Variants in ANKRD44 observed in about 807,000 individuals in gnomAD.
ANKRD44 encodes the protein serine/threonine-protein phosphatase 6 regulatory ankyrin repeat subunit B.
ANKRD44 carries 35 observed loss-of-function variants against 116.0 expected under a neutral mutation model. That is an observed-to-expected ratio of 0.30 (90% CI 0.23 to 0.40). ANKRD44 has a LOEUF of 0.40. Among genes scored for constraint, ANKRD44 ranks in the 10% least tolerant of loss-of-function variants. The probability of loss-of-function intolerance (pLI) is 1.00; values close to 1 mark genes in which losing one functional copy is unlikely to be tolerated. For missense variants in ANKRD44, 1,014 were observed against 1,242.6 expected (o/e 0.82, Z 2.77); for synonymous variants, 435 against 461.8 (o/e 0.94, Z 0.74).
At chr2:197,235,587 G>C (rs77430384) in intron 1 of ANKRD44, among the ~76,000 whole-genome samples, 1 of 146,306 alleles carries the variant, frequency 6.8e-6, no homozygotes, top group Non-Finnish European at 1.5e-5. Flanking sequence ...CTGCACTCCA[G>C]CCTGGGTGAT....
chr2:197,081,556 A>T lies in ANKRD44; in HGVS notation c.1538+89T>A. 5 of 1,218,270 alleles carry T rather than the reference A, an allele frequency of 4.1e-6. No individual in the cohort carries two copies. In the South Asian group the frequency reaches 6.2e-5, roughly 15 times the overall value. 75.5% of individuals were successfully genotyped at this position (1,218,270 alleles called of 1,614,324 possible). On this transcript the variant is annotated intron_variant, in intron 15 of 27. Transcript: ENST00000282272. ...TCCTCAAGATCCCAAGTGAAACCCC[A>T]AAATAGTAAGGCAGGCAACGTGGCA...
chr2:197,204,193 A>G (rs909412621), intron 1 of ANKRD44, among the ~76,000 whole-genome samples: 12 of 152,134 alleles, frequency 7.9e-5, no homozygotes, highest in African/African-American at 2.9e-4. Context: ...GAAAATGTGG[A>G]AAAAAAGCAG....
At position 197,099,853 on chromosome 2, in the gene ANKRD44, T is replaced by C. The variant is rs1446621556; in HGVS notation, c.1063A>G (p.Ile355Val). The stretch of plus-strand genomic sequence containing the variant: ...GCTCCGCTGGTTATTAAGGTGTTAA[T>C]CAAAAGCTCATGACCGTATCTTGCA... The part of the protein sequence containing the change: ...VAARYGHELL[I>V]NTLITSGADT... The change falls in exon 10 of 28, where the codon ATT (isoleucine) becomes GTT (valine). Residue 355 changes from isoleucine to valine, a missense_variant. Transcript: ENST00000282272. 2 of 1,614,178 alleles carry C rather than the reference T, an allele frequency of 1.2e-6. No individual in the cohort carries two copies. The highest frequency in any genetic ancestry group is 8.5e-7 in the Non-Finnish European group (1 of 1,180,016).
At chr2:197,120,325 C>T (rs2078822930) in intron 8 of ANKRD44, among the ~76,000 whole-genome samples, 1 of 152,164 alleles carries the variant, frequency 6.6e-6, no homozygotes, top group Admixed American at 6.5e-5. Flanking sequence ...CTCAGTGCTA[C>T]ATCACTGAAG....
chr2:197,167,704 C>CTA (rs1423592731), intron 2 of ANKRD44, among the ~76,000 whole-genome samples: 10 of 152,348 alleles, frequency 6.6e-5, no homozygotes, highest in Admixed American at 6.5e-4. Context: ...TAAGCATGAA[C>CTA]TATACTTGGT....
intron 1 of ANKRD44, among the ~76,000 whole-genome samples, chr2:197,233,514 C>T (rs1276474173): frequency 2.0e-5 from 3 of 152,122 alleles, no homozygotes; most frequent in Non-Finnish European, 4.4e-5. Flanking sequence ...TGAATAGAAA[C>T]TGCTATATTC....
intron 9 of ANKRD44, among the ~76,000 whole-genome samples, chr2:197,103,558 T>G (rs1363520443): frequency 6.6e-6 from 1 of 152,116 alleles, no homozygotes; most frequent in Non-Finnish European, 1.5e-5. Context: ...CTAACGGGTA[T>G]GAGGTTTCTT....
chr2:197,275,428 CAAAAAAAA>C (rs527811437), intron 1 of ANKRD44, among the ~76,000 whole-genome samples: 5 of 97,268 alleles, frequency 5.1e-5, no homozygotes, highest in Middle Eastern at 5.8e-3. Context: ...CCAGTCTCTT[CAAAAAAAA>C]AAAAAAAAAA....
chr2:197,062,025 C>A (rs2077326068), intron 16 of ANKRD44, among the ~76,000 whole-genome samples: 1 of 152,222 alleles, frequency 6.6e-6, no homozygotes, highest in Non-Finnish European at 1.5e-5. Context: ...GGGTGATCCA[C>A]CCGCCTCGGC....
intron 1 of ANKRD44, among the ~76,000 whole-genome samples, chr2:197,255,190 C>T (rs2082416654): frequency 6.6e-6 from 1 of 152,192 alleles, no homozygotes; most frequent in Admixed American, 6.5e-5. Flanking sequence ...ATGAAGAAGA[C>T]ACTCAGAGAG....
chr2:197,139,328 T>C (rs559331495), intron 3 of ANKRD44, among the ~76,000 whole-genome samples: 1 of 152,326 alleles, frequency 6.6e-6, no homozygotes, highest in South Asian at 2.1e-4. Flanking sequence ...TTCTACACTG[T>C]CATGGAAAGG....
intron 1 of ANKRD44, among the ~76,000 whole-genome samples, chr2:197,190,444 A>C (rs2125617110): frequency 6.6e-6 from 1 of 152,326 alleles, no homozygotes; most frequent in Non-Finnish European, 1.5e-5. Context: ...GTGTGTTTGT[A>C]TGGATATAAT....
chr2:197,236,682 A>C (rs972191243), intron 1 of ANKRD44, among the ~76,000 whole-genome samples: 1 of 150,310 alleles, frequency 6.7e-6, no homozygotes, highest in African/African-American at 2.5e-5. Flanking sequence ...CTAAGCCCAA[A>C]ACTACTCATC....
chr2:197,009,575 C>T (rs2076260293), intron 18 of ANKRD44, among the ~76,000 whole-genome samples: 1 of 151,644 alleles, frequency 6.6e-6, no homozygotes, highest in Admixed American at 6.6e-5. Context: ...CACCATGTTG[C>T]CTAGGCTGGT....
At chr2:197,153,983 T>C (rs796187755) in intron 2 of ANKRD44, among the ~76,000 whole-genome samples, 5 of 152,188 alleles carry the variant, frequency 3.3e-5, no homozygotes, top group African/African-American at 1.2e-4. Context: ...TGTGCATACA[T>C]GTGAGAATTT....
At chr2:197,234,390 C>T (rs1169646603) in intron 1 of ANKRD44, among the ~76,000 whole-genome samples, 1 of 152,072 alleles carries the variant, frequency 6.6e-6, no homozygotes, top group African/African-American at 2.4e-5. Context: ...TGAGGTTTTG[C>T]CATGTTGCCC....
In ANKRD44 at chr2:197,007,716, T is replaced by C. The variant is rs2076225147; in HGVS notation, c.2130+90A>G. ...TAAACATTTTTTGCTAAAAATCCAATCAAAGTAGGCCCTTTGTAATTGTTT... is the reference window on the plus strand; with the variant it reads ...TAAACATTTTTTGCTAAAAATCCAACCAAAGTAGGCCCTTTGTAATTGTTT... On this transcript the variant is annotated intron_variant, in intron 20 of 27. Coordinates refer to ENST00000282272, the MANE Select transcript of ANKRD44 (RefSeq NM_001195144.2). 6 of 852,470 alleles carry C rather than the reference T, an allele frequency of 7.0e-6. No individual in the cohort carries two copies. In the East Asian group the frequency reaches 1.5e-4, roughly 21 times the overall value. The allele number at this position is 852,470 out of a possible 1,614,324, so 52.8% of individuals were successfully genotyped here.
At chr2:197,009,908 C>T (rs1046634592) in intron 18 of ANKRD44, among the ~76,000 whole-genome samples, 1 of 152,126 alleles carries the variant, frequency 6.6e-6, no homozygotes, top group Non-Finnish European at 1.5e-5. Context: ...AATCTCTCCC[C>T]ACTAGTCAGC....
chr2:197,211,502 C>A (rs949513462), intron 1 of ANKRD44, among the ~76,000 whole-genome samples: 1 of 152,188 alleles, frequency 6.6e-6, no homozygotes, highest in Non-Finnish European at 1.5e-5. Context: ...CTGAAAAATA[C>A]GTTTTTAACT....
Sources: allele counts gnomAD v4.1 joint callset (sites outside exome capture counted in the v4.1 genomes callset), GRCh38; gene constraint gnomAD v4.1.1; transcripts MANE v1.5; gene names NCBI Gene and HGNC (gene_info 2026-07-23, HGNC 2026-07-21).